Variants in RORB observed in about 807,000 individuals in gnomAD.
RORB encodes the protein RAR related orphan receptor B.
In RORB, 6 loss-of-function variants were observed where a neutral mutation model predicts 59.1. That is an observed-to-expected ratio of 0.10 (90% CI 0.06 to 0.20). The LOEUF (loss-of-function observed/expected upper bound fraction) is 0.20. Ranked by LOEUF, RORB falls within the 10% of genes least tolerant of loss-of-function variation. RORB has a pLI of 1.00. For missense variants in RORB, 320 were observed against 560.5 expected (o/e 0.57, Z 4.33); for synonymous variants, 215 against 204.5 (o/e 1.05, Z -0.44).
intron 1 of RORB, among the ~76,000 whole-genome samples, chr9:74,537,752 A>C (rs1312853356): frequency 6.6e-6 from 1 of 152,106 alleles, no homozygotes; most frequent in Non-Finnish European, 1.5e-5. Flanking sequence ...GCCACATAGC[A>C]ACATTTTGGT....
chr9:74,497,930 G>A lies in RORB; in HGVS notation c.-47G>A. The A allele has an allele frequency of 6.2e-7, 1 of 1,608,126 alleles. No homozygotes were observed. The highest frequency in any genetic ancestry group is 8.5e-7 in the Non-Finnish European group (1 of 1,177,450). ...GATTTTTGGGCTCTCCGGGGTTCGG[G>A]CTGGGAGCAGCTTCATGACTACGCG... On this transcript the variant is annotated 5_prime_UTR_variant, in exon 1 of 10. Transcript: ENST00000376896.
At chr9:74,509,233 G>A (rs555132402) in intron 1 of RORB, among the ~76,000 whole-genome samples, 25 of 152,004 alleles carry the variant, frequency 1.6e-4, no homozygotes, top group African/African-American at 5.8e-4. Context: ...AAGTATTATG[G>A]AAAAATCTAT....
chr9:74,684,464 A>C (rs1341723655), intron 9 of RORB, among the ~76,000 whole-genome samples: 2 of 151,124 alleles, frequency 1.3e-5, no homozygotes, highest in Non-Finnish European at 2.9e-5. Context: ...CTCTCACAAT[A>C]ATTTAATCAC....
At chr9:74,571,494 C>T (rs1162056359) in intron 1 of RORB, among the ~76,000 whole-genome samples, 2 of 151,540 alleles carry the variant, frequency 1.3e-5, no homozygotes, top group Non-Finnish European at 2.9e-5. Context: ...CACTGTCTCA[C>T]ATTTTTACTT....
intron 2 of RORB, 119 bp downstream of exon 2, chr9:74,630,486 C>A: frequency 2.6e-3 from 975 of 373,786 alleles, no homozygotes; most frequent in East Asian, 6.3e-3. Flanking sequence ...CTGCTGCTGA[C>A]ATTCAGGAAT....
At chr9:74,679,836 GC>G (rs923271337) in intron 9 of RORB, among the ~76,000 whole-genome samples, 23 of 152,040 alleles carry the variant, frequency 1.5e-4, no homozygotes, top group Non-Finnish European at 2.9e-4. Flanking sequence ...AGACTCTTTG[GC>G]CTGTAATCCC....
intron 1 of RORB, among the ~76,000 whole-genome samples, chr9:74,576,658 A>C (rs941601707): frequency 6.6e-6 from 1 of 152,106 alleles, no homozygotes; most frequent in African/African-American, 2.4e-5. Flanking sequence ...GAAATTTTTA[A>C]TCAGTGTATA....
At chr9:74,646,363 T>C (rs892367642) in intron 4 of RORB, among the ~76,000 whole-genome samples, 1 of 152,094 alleles carries the variant, frequency 6.6e-6, no homozygotes, top group Non-Finnish European at 1.5e-5. Flanking sequence ...ATAACACAAC[T>C]ATATGAGCAA....
chr9:74,606,197 A>G (rs572534510), intron 1 of RORB, among the ~76,000 whole-genome samples: 2 of 152,196 alleles, frequency 1.3e-5, no homozygotes, highest in Non-Finnish European at 2.9e-5. Flanking sequence ...CATGCTAGCT[A>G]TTACTACTGT....
intron 4 of RORB, among the ~76,000 whole-genome samples, chr9:74,652,895 C>T (rs936190824): frequency 3.3e-5 from 5 of 152,110 alleles, no homozygotes; most frequent in African/African-American, 9.7e-5. Flanking sequence ...ACTCTTCCTC[C>T]GAATCTACAG....
intron 1 of RORB, among the ~76,000 whole-genome samples, chr9:74,621,992 T>C (rs925376784): frequency 2.0e-5 from 3 of 152,226 alleles, no homozygotes; most frequent in African/African-American, 4.8e-5. Flanking sequence ...AGTCCTGACG[T>C]CTCTCCATTC....
At chr9:74,681,583 G>A (rs1197960461) in intron 9 of RORB, among the ~76,000 whole-genome samples, 1 of 152,212 alleles carries the variant, frequency 6.6e-6, no homozygotes, top group Non-Finnish European at 1.5e-5. Context: ...ACAGGAACTA[G>A]ATCCAAATCG....
chr9:74,574,807 T>C (rs1822606847), intron 1 of RORB, among the ~76,000 whole-genome samples: 1 of 152,128 alleles, frequency 6.6e-6, no homozygotes, highest in South Asian at 2.1e-4. Context: ...CTTAAAATTC[T>C]AGTGACTTCT....
At chr9:74,568,005 A>T (rs2118215976) in intron 1 of RORB, among the ~76,000 whole-genome samples, 1 of 152,348 alleles carries the variant, frequency 6.6e-6, no homozygotes, top group African/African-American at 2.4e-5. Flanking sequence ...CATTAACCGC[A>T]AATCTGTAAT....
At chr9:74,540,512 G>C (rs946669991) in intron 1 of RORB, among the ~76,000 whole-genome samples, 2 of 152,070 alleles carry the variant, frequency 1.3e-5, no homozygotes, top group Admixed American at 1.3e-4. Flanking sequence ...GTAAATCAAC[G>C]CATACAGCAA....
chr9:74,503,056 A>T (rs1213660285), intron 1 of RORB, among the ~76,000 whole-genome samples: 1 of 152,088 alleles, frequency 6.6e-6, no homozygotes, highest in Admixed American at 6.5e-5. Flanking sequence ...AATGGAAATT[A>T]TGCTTAATAA....
intron 4 of RORB, among the ~76,000 whole-genome samples, 172 bp from the exon 5 acceptor site, chr9:74,660,445 G>T (rs906910976): frequency 6.6e-6 from 1 of 152,068 alleles, no homozygotes; most frequent in East Asian, 1.9e-4. Context: ...ACTGAAAATT[G>T]AAAAAATGCA....
chr9:74,674,470 G>A (rs139810076), intron 9 of RORB, among the ~76,000 whole-genome samples: 2 of 152,138 alleles, frequency 1.3e-5, no homozygotes, highest in Admixed American at 6.5e-5. Context: ...TATTTCTACC[G>A]CTGACCTGTT....
chr9:74,591,919 T>C (rs1822902016), intron 1 of RORB, among the ~76,000 whole-genome samples: 1 of 152,130 alleles, frequency 6.6e-6, no homozygotes, highest in African/African-American at 2.4e-5. Context: ...CATGTGCCTG[T>C]GTGTGCATGT....
Sources: allele counts gnomAD v4.1 joint callset (sites outside exome capture counted in the v4.1 genomes callset), GRCh38; gene constraint gnomAD v4.1.1; transcripts MANE v1.5; gene names NCBI Gene and HGNC (gene_info 2026-07-23, HGNC 2026-07-21).